The following TRERF1 variants were observed in gnomAD, a reference collection of about 807,000 sequenced individuals.
The protein encoded by TRERF1 is transcriptional-regulating factor 1.
In TRERF1, 27 loss-of-function variants were observed where a neutral mutation model predicts 122.9. The observed-to-expected ratio is 0.22, with a 90% confidence interval of 0.16 to 0.30. The LOEUF (loss-of-function observed/expected upper bound fraction) is 0.30, where lower values mean the gene tolerates loss of function less well. Ranked by LOEUF, TRERF1 falls within the 10% of genes least tolerant of loss-of-function variation. The pLI is 1.00. For missense variants in TRERF1, 1,248 were observed against 1,560.3 expected (o/e 0.80, Z 3.37); for synonymous variants, 636 against 641.7 (o/e 0.99, Z 0.13).
chr6:42,426,595 T>C (rs1302525829), intron 2 of TRERF1, among the ~76,000 whole-genome samples: 2 of 152,252 alleles, frequency 1.3e-5, no homozygotes, highest in African/African-American at 2.4e-5. Flanking sequence ...TGTTCGTAGC[T>C]GTCTCTCTAA....
intron 3 of TRERF1, among the ~76,000 whole-genome samples, chr6:42,346,246 G>A (rs1483962548): frequency 6.6e-6 from 1 of 152,204 alleles, no homozygotes; most frequent in Non-Finnish European, 1.5e-5. Context: ...AGCCACCCCA[G>A]CCACTACCGA....
In TRERF1 at chr6:42,376,440, TG is replaced by T; in HGVS notation, c.-453-13362del. Among the ~76,000 whole-genome samples, 3 of 150,770 alleles carry T rather than the reference TG, an allele frequency of 2.0e-5. 1 individual carries two copies. In the Middle Eastern group the frequency reaches 0.01, roughly 520 times the overall value. The stretch of plus-strand genomic sequence containing the variant: ...GACAGGAGTAAGAGGGAGATGCACA[TG>T]GAAGGCAGAAGGCTGCTCCTGTGCT... On this transcript the variant is annotated intron_variant, in intron 2 of 17. Transcript: ENST00000372922.
intron 15 of TRERF1, among the ~76,000 whole-genome samples, chr6:42,240,537 C>T (rs1196419092): frequency 6.6e-6 from 1 of 152,246 alleles, no homozygotes; most frequent in Non-Finnish European, 1.5e-5. Flanking sequence ...CTCTTCTACT[C>T]ATTTGGAAAG....
chr6:42,428,741 G>A (rs898643206), intron 2 of TRERF1, among the ~76,000 whole-genome samples: 5 of 152,234 alleles, frequency 3.3e-5, no homozygotes, highest in Non-Finnish European at 7.3e-5. Flanking sequence ...CAGAGGACAG[G>A]TCAGCCCTGA....
chr6:42,307,350 G>A (rs1787444697), intron 3 of TRERF1, among the ~76,000 whole-genome samples: 1 of 152,052 alleles, frequency 6.6e-6, no homozygotes, highest in Non-Finnish European at 1.5e-5. Flanking sequence ...TCATCCTAAG[G>A]GCCACAGGAT....
chr6:42,420,517 G>A (rs1446627034), intron 2 of TRERF1, among the ~76,000 whole-genome samples: 2 of 151,886 alleles, frequency 1.3e-5, no homozygotes, highest in East Asian at 1.9e-4. Context: ...GTTGCATTGC[G>A]GTATTTTATT....
At chr6:42,304,077 T>C (rs1393882226) in intron 3 of TRERF1, among the ~76,000 whole-genome samples, 1 of 152,132 alleles carries the variant, frequency 6.6e-6, no homozygotes, top group Non-Finnish European at 1.5e-5. Flanking sequence ...TCCCAATGTA[T>C]GATAAGTTTT....
chr6:42,390,602 G>C (rs184444071), intron 2 of TRERF1, among the ~76,000 whole-genome samples: 1 of 152,146 alleles, frequency 6.6e-6, no homozygotes, highest in Non-Finnish European at 1.5e-5. Flanking sequence ...GGAGGCCGTC[G>C]GAGAGACCAG....
intron 14 of TRERF1, among the ~76,000 whole-genome samples, chr6:42,244,373 G>A (rs1344548540): frequency 1.3e-5 from 2 of 151,916 alleles, no homozygotes; most frequent in Admixed American, 6.6e-5. Flanking sequence ...TAGTAGAGAC[G>A]TGGTTTCTAC....
At chr6:42,411,759 C>A (rs569916504) in intron 2 of TRERF1, among the ~76,000 whole-genome samples, 2 of 152,144 alleles carry the variant, frequency 1.3e-5, no homozygotes, top group Non-Finnish European at 2.9e-5. Flanking sequence ...AGAGAACCAA[C>A]GTGTAGTGAC....
chr6:42,284,473 C>T (rs542686074), intron 4 of TRERF1, among the ~76,000 whole-genome samples: 6 of 152,316 alleles, frequency 3.9e-5, no homozygotes, highest in East Asian at 3.9e-4. Flanking sequence ...AAAAATGTGT[C>T]GCCTGTCACA....
In TRERF1 at chr6:42,228,682, A is replaced by G. The variant is rs761665315; in HGVS notation, c.3279-13T>C. 6.3e-7 allele frequency: 1 copy of G among 1,579,836 alleles called. No individual in the cohort carries two copies. The highest frequency in any genetic ancestry group is 1.9e-5 in the Admixed American group (1 of 53,500). On this transcript the variant is annotated splice_polypyrimidine_tract_variant and intron_variant, in intron 17 of 17. Coordinates refer to ENST00000372922, the Ensembl canonical transcript of TRERF1. This position sits in a 1 kb window ranked among gnomAD's most constrained non-coding sequence, Gnocchi z 4.2. The stretch of plus-strand genomic sequence containing the variant: ...CTTGAAGAAGACTCTAAAAATAAAG[A>G]AAGAGAGGTGTGTAGAATTTAGAAG...
At chr6:42,264,340 G>A (rs1180802184) in intron 7 of TRERF1, among the ~76,000 whole-genome samples, 2 of 152,252 alleles carry the variant, frequency 1.3e-5, no homozygotes, top group Non-Finnish European at 2.9e-5. Context: ...TCTGGCAATT[G>A]ACCACTAATC....
chr6:42,338,530 TTAACAAGCACTC>T (rs1206584361), intron 3 of TRERF1, among the ~76,000 whole-genome samples: 1 of 152,116 alleles, frequency 6.6e-6, no homozygotes, highest in Non-Finnish European at 1.5e-5. Context: ...TTTAAAGAAA[TTAACAAGCACTC>T]TCCTGTTCAC....
At chr6:42,444,016 C>T (rs570984014) in intron 2 of TRERF1, among the ~76,000 whole-genome samples, 246 of 152,102 alleles carry the variant, frequency 1.6e-3, no homozygotes, top group Non-Finnish European at 3.1e-3. Flanking sequence ...GCTCGGAGGT[C>T]GACTAGTCCA....
At chr6:42,327,821 C>T (rs75887719) in intron 3 of TRERF1, among the ~76,000 whole-genome samples, 19,741 of 151,810 alleles carry the variant, frequency 0.13, 2,419 homozygotes, top group African/African-American at 0.33. Flanking sequence ...AGTCAGCCCT[C>T]CTGGAGCTGG....
At chr6:42,399,203 A>AT (rs973119826) in intron 2 of TRERF1, among the ~76,000 whole-genome samples, 20 of 152,264 alleles carry the variant, frequency 1.3e-4, no homozygotes, top group African/African-American at 4.6e-4. Flanking sequence ...AATGTACAGA[A>AT]TTTTTTTTAA....
At chr6:42,440,971 C>A (rs1400000317) in intron 2 of TRERF1, among the ~76,000 whole-genome samples, 1 of 152,130 alleles carries the variant, frequency 6.6e-6, no homozygotes, top group Non-Finnish European at 1.5e-5. Flanking sequence ...CCGAGCTCTG[C>A]CTACATTACC....
chr6:42,234,531 C>T (rs902136709), intron 16 of TRERF1, among the ~76,000 whole-genome samples: 110 of 152,018 alleles, frequency 7.2e-4, no homozygotes, highest in Admixed American at 1.8e-3. Flanking sequence ...ATAGTAGAGA[C>T]GGGGTTTCAC....
Sources: gnomAD v4.1 joint callset for allele counts (sites outside exome capture counted in the v4.1 genomes callset) on GRCh38, gnomAD v4.1.1 for gene constraint, Gnocchi (gnomAD v3.1) non-coding constraint, MANE v1.5 for transcripts, NCBI Gene and HGNC (gene_info 2026-07-23, HGNC 2026-07-21) for gene names.